The following CELF2 variants were observed in gnomAD, a reference collection of about 807,000 sequenced individuals.
CELF2 encodes CUGBP Elav-like family member 2.
CELF2 carries 8 observed loss-of-function variants against 62.6 expected under a neutral mutation model. That is an observed-to-expected ratio of 0.13 (90% CI 0.07 to 0.23). CELF2 has a LOEUF of 0.23. Among genes scored for constraint, CELF2 ranks in the 10% least tolerant of loss-of-function variants. The pLI is 1.00. For missense variants in CELF2, 333 were observed against 671.0 expected (o/e 0.50, Z 5.56); for synonymous variants, 258 against 250.0 (o/e 1.03, Z -0.30).
In CELF2 at chr10:11,010,592, A is replaced by C. The variant is rs1346844602; in HGVS notation, c.53+5152A>C. ...TGTTATTCCCATTTTAAAGATGAAAAACTGAGCCCGAGAGAGGTAAAGTCA... is the reference window on the plus strand; with the variant it reads ...TGTTATTCCCATTTTAAAGATGAAACACTGAGCCCGAGAGAGGTAAAGTCA... On this transcript the variant is annotated intron_variant, in intron 1 of 12. Coordinates refer to the CELF2 transcript ENST00000416382. The surrounding 1 kb of genome is among the most constrained non-coding windows in gnomAD (Gnocchi z 4.1). Among the ~76,000 whole-genome samples the C allele has an allele frequency of 6.6e-6, 1 of 152,168 alleles. No individual in the cohort carries two copies. Among genetic ancestry groups the C allele is most frequent in the Non-Finnish European group, 1.5e-5 (1 of 68,038 alleles).
chr10:11,145,127 A>G lies in CELF2; in HGVS notation c.75-20359A>G, dbSNP rs1564928605. ...TGTTTGTTATGTACTTTCCTTTATT[A>G]TCCCAGCAAGTCCCACATTCTGGAA... On this transcript the variant is annotated intron_variant, in intron 1 of 12. Coordinates refer to ENST00000633077, the MANE Select transcript of CELF2 (RefSeq NM_001326342.2). The surrounding 1 kb of genome is among the most constrained non-coding windows in gnomAD (Gnocchi z 4.3). 6.6e-6 allele frequency among the ~76,000 whole-genome samples: 1 copy of G among 152,222 alleles called. No individual in the cohort carries two copies. The highest frequency in any genetic ancestry group is 2.4e-5 in the African/African-American group (1 of 41,456).
chr10:10,843,842 A>T (rs1209964228), intron 1 of CELF2, among the ~76,000 whole-genome samples: 1 of 152,046 alleles, frequency 6.6e-6, no homozygotes. Context: ...GTCTTTTTGC[A>T]GATTATGAAA....
chr10:11,293,880 C>G (rs1040948905), intron 9 of CELF2, among the ~76,000 whole-genome samples: 1 of 152,060 alleles, frequency 6.6e-6, no homozygotes, highest in Admixed American at 6.5e-5. Context: ...TCTAGTTTAG[C>G]GCACACGTCT....
intron 2 of CELF2, among the ~76,000 whole-genome samples, chr10:11,173,868 A>G (rs2069917818): frequency 1.3e-5 from 2 of 152,242 alleles, no homozygotes; most frequent in African/African-American, 4.8e-5. Flanking sequence ...GAAAAAGTGG[A>G]AACTAGGCTA....
At chr10:11,277,834 T>C (rs1037538695) in intron 8 of CELF2, among the ~76,000 whole-genome samples, 8 of 152,234 alleles carry the variant, frequency 5.3e-5, no homozygotes, top group African/African-American at 1.9e-4. Flanking sequence ...ATTGAGTGAT[T>C]GATACTGTGT....
intron 2 of CELF2, among the ~76,000 whole-genome samples, chr10:11,185,204 T>C (rs2074530961): frequency 6.6e-6 from 1 of 152,206 alleles, no homozygotes; most frequent in Non-Finnish European, 1.5e-5. Flanking sequence ...AGACAGGATC[T>C]TGCTCTGTTG....
At chr10:10,548,148 C>G in the CELF2 span, among the ~76,000 whole-genome samples, 1 of 152,206 alleles carries the variant, frequency 6.6e-6, no homozygotes, top group Non-Finnish European at 1.5e-5. Flanking sequence ...ACCATGGACA[C>G]ATCGTTTAAT....
At chr10:10,495,256 G>A in the CELF2 span, among the ~76,000 whole-genome samples, 7 of 152,316 alleles carry the variant, frequency 4.6e-5, no homozygotes, top group African/African-American at 1.7e-4. Flanking sequence ...TTCAGCCTGG[G>A]CGACAGAGCG....
chr10:11,294,933 C>G (rs1332875095), intron 9 of CELF2, among the ~76,000 whole-genome samples: 1 of 152,182 alleles, frequency 6.6e-6, no homozygotes, highest in Non-Finnish European at 1.5e-5. Flanking sequence ...ACAAATCTGT[C>G]AAACGTCTTT....
At chr10:10,646,017 A>G in the CELF2 span, among the ~76,000 whole-genome samples, 1 of 152,162 alleles carries the variant, frequency 6.6e-6, no homozygotes, top group Non-Finnish European at 1.5e-5. Context: ...CACTAATCCT[A>G]ATCTTTTGGG....
chr10:10,940,580 T>C (rs983682357), intron 2 of CELF2, among the ~76,000 whole-genome samples: 42 of 152,232 alleles, frequency 2.8e-4, no homozygotes, highest in Non-Finnish European at 1.8e-4. Flanking sequence ...TTGAATGAAG[T>C]ATACAAAATT....
chr10:10,927,353 A>AC (rs2065604653), intron 2 of CELF2: 4 of 135,588 alleles, frequency 3.0e-5, no homozygotes, highest in African/African-American at 1.0e-4. Flanking sequence ...CATTAAAAAA[A>AC]AAAAAAAAAA....
Position 11,297,347 on chromosome 10 carries a change from G to A in CELF2, c.976+8795G>A, listed in dbSNP as rs989248566. ...AGACTGACCTGCAGAGGCCAGGCGG[G>A]CTGCCCTAAGCCCGGGGAGGGGTGA... On this transcript the variant is annotated intron_variant, in intron 9 of 12. Transcript: ENST00000633077. The surrounding 1 kb of genome is among the most constrained non-coding windows in gnomAD (Gnocchi z 4.4). Among the ~76,000 whole-genome samples the A allele has an allele frequency of 6.6e-6, 1 of 152,180 alleles. No individual in the cohort carries two copies. The highest frequency in any genetic ancestry group is 1.5e-5 in the Non-Finnish European group (1 of 68,018).
chr10:10,517,094 G>A, the CELF2 span, among the ~76,000 whole-genome samples: 1 of 152,158 alleles, frequency 6.6e-6, no homozygotes, highest in Admixed American at 6.6e-5. Context: ...AGAAGGACCA[G>A]CAACATAATA....
rs1488575216 is a variant in CELF2 at position 11,244,299 on chromosome 10, C to T, written c.355-4854C>T. On this transcript the variant is annotated intron_variant, in intron 3 of 12. Transcript: ENST00000633077. This position sits in a 1 kb window ranked among gnomAD's most constrained non-coding sequence, Gnocchi z 4.2. ...TACTTGAAATTGTCCAGCCTATGAA[C>T]ATATCCCTCACTGTTAGTCTTGTGC... is the stretch of plus-strand genomic sequence containing the variant. Among the ~76,000 whole-genome samples, 2 of 152,234 alleles carry T rather than the reference C, an allele frequency of 1.3e-5. No individual in the cohort carries two copies. The highest frequency in any genetic ancestry group is 1.5e-5 in the Non-Finnish European group (1 of 68,048).
chr10:10,852,818 A>G (rs1397638776), intron 1 of CELF2, among the ~76,000 whole-genome samples: 1 of 152,232 alleles, frequency 6.6e-6, no homozygotes, highest in Non-Finnish European at 1.5e-5. Context: ...CCAAGACAAC[A>G]GCGTGAGATA....
chr10:11,298,778 C>A (rs1199087783), intron 9 of CELF2, among the ~76,000 whole-genome samples: 1 of 151,840 alleles, frequency 6.6e-6, no homozygotes. Context: ...TGGGAAAGAT[C>A]GAATCATTAT....
At chr10:10,857,621 AAT>A (rs1420400360) in intron 1 of CELF2, among the ~76,000 whole-genome samples, 13 of 137,482 alleles carry the variant, frequency 9.5e-5, no homozygotes, top group African/African-American at 3.2e-4. Flanking sequence ...TATATATATA[AAT>A]ATATGTGGTA....
At chr10:10,847,163 TATAAA>T (rs1327033311) in intron 1 of CELF2, among the ~76,000 whole-genome samples, 3 of 151,648 alleles carry the variant, frequency 2.0e-5, no homozygotes, top group African/African-American at 7.3e-5. Flanking sequence ...TAGGTATATA[TATAAA>T]ATAAGTAATG....
Sources: allele counts gnomAD v4.1 joint callset (sites outside exome capture counted in the v4.1 genomes callset), GRCh38; gene constraint gnomAD v4.1.1; non-coding constraint Gnocchi (gnomAD v3.1); transcripts MANE v1.5; gene names NCBI Gene and HGNC (gene_info 2026-07-23, HGNC 2026-07-21).